Variants in MAP2 observed in about 807,000 individuals in gnomAD.
The protein encoded by MAP2 is microtubule-associated protein 2.
A neutral mutation model predicts 137.6 loss-of-function variants in MAP2; 14 were observed. That is an observed-to-expected ratio of 0.10 (90% CI 0.07 to 0.16). The LOEUF (loss-of-function observed/expected upper bound fraction) is 0.16, where lower values mean the gene tolerates loss of function less well. Ranked by LOEUF, MAP2 falls within the 10% of genes least tolerant of loss-of-function variation. MAP2 has a pLI of 1.00. For synonymous variants in MAP2, 786 were observed against 782.3 expected, an observed-to-expected ratio of 1.00 and a Z score of -0.08; for missense variants, 2,088 against 2,191.5, an observed-to-expected ratio of 0.95 and a Z score of 0.94.
intron 4 of MAP2, among the ~76,000 whole-genome samples, chr2:209,639,874 G>C (rs1434764429): frequency 1.3e-5 from 2 of 152,014 alleles, no homozygotes; most frequent in African/African-American, 4.8e-5. Flanking sequence ...ATTAAACACA[G>C]CCCTTCCTCC....
intron 12 of MAP2, 123 bp from the exon 13 acceptor site, chr2:209,709,791 T>C (rs1380488315): frequency 5.6e-6 from 4 of 710,608 alleles, no homozygotes; most frequent in Non-Finnish European, 9.2e-6. Flanking sequence ...ACTATAGTGA[T>C]AACTGTTTCT....
rs181357388 is a variant in MAP2 at position 209,458,042 on chromosome 2, G to T, written c.-222+33766G>T. Among the ~76,000 whole-genome samples, 274 of 152,104 alleles carry T rather than the reference G, an allele frequency of 1.8e-3. 1 individual carries two copies. The highest frequency in any genetic ancestry group is 6.4e-3 in the African/African-American group (265 of 41,494). On this transcript the variant is annotated intron_variant, in intron 1 of 15. Transcript: ENST00000682079. ...TGTTTCCAGTATTGATTATTAGTGT[G>T]TCCTGAGCATTGGGATAATACAAAT...
At chr2:209,631,005 CA>C (rs776266690) in intron 4 of MAP2, among the ~76,000 whole-genome samples, 3 of 42,116 alleles carry the variant, frequency 7.1e-5, no homozygotes, top group Non-Finnish European at 1.4e-4. Context: ...GAGCTACAAG[CA>C]AAAAAAAAAA....
chr2:209,620,884 A>G (rs2090944216), intron 3 of MAP2, among the ~76,000 whole-genome samples: 1 of 152,104 alleles, frequency 6.6e-6, no homozygotes, highest in Admixed American at 6.6e-5. Flanking sequence ...CATTGAGGTT[A>G]AGCTTAGCCT....
intron 3 of MAP2, among the ~76,000 whole-genome samples, chr2:209,599,277 C>T (rs1433740777): frequency 6.6e-6 from 1 of 151,804 alleles, no homozygotes; most frequent in Non-Finnish European, 1.5e-5. Context: ...TGTCCTTCGC[C>T]CACTTTTTGA....
intron 1 of MAP2, among the ~76,000 whole-genome samples, chr2:209,425,414 G>T (rs1160279581): frequency 6.6e-6 from 1 of 152,158 alleles, no homozygotes; most frequent in East Asian, 1.9e-4. Context: ...AGGTACTTAA[G>T]AGACTGATTT....
chr2:209,443,228 T>C (rs1395451185), intron 1 of MAP2, among the ~76,000 whole-genome samples: 3 of 149,762 alleles, frequency 2.0e-5, no homozygotes, highest in Middle Eastern at 6.9e-3. Flanking sequence ...TTTTTTTTTT[T>C]CTCCTTGGCT....
intron 5 of MAP2, among the ~76,000 whole-genome samples, chr2:209,666,967 C>T (rs2046598352): frequency 6.6e-6 from 1 of 151,836 alleles, no homozygotes; most frequent in Admixed American, 6.6e-5. Flanking sequence ...TTTGATACAA[C>T]TGAATGTGGA....
At chr2:209,497,721 AAG>A (rs995116056) in intron 1 of MAP2, among the ~76,000 whole-genome samples, 1 of 152,078 alleles carries the variant, frequency 6.6e-6, no homozygotes, top group Non-Finnish European at 1.5e-5. Context: ...ACAAGAGAGA[AAG>A]AGAGAGTAGA....
At chr2:209,496,026 C>T (rs12995429) in intron 1 of MAP2, among the ~76,000 whole-genome samples, 8,522 of 152,198 alleles carry the variant, frequency 0.056, 270 homozygotes, top group South Asian at 0.092. Context: ...AGCATTGTTA[C>T]GGCAGCTACA....
intron 1 of MAP2, among the ~76,000 whole-genome samples, chr2:209,495,875 G>A (rs1043480093): frequency 9.9e-5 from 15 of 152,156 alleles, no homozygotes; most frequent in Non-Finnish European, 1.3e-4. Context: ...ACATTTGAAA[G>A]TTCTTCATTT....
chr2:209,659,274 G>A (rs2042326525), intron 5 of MAP2, among the ~76,000 whole-genome samples: 1 of 152,022 alleles, frequency 6.6e-6, no homozygotes, highest in Admixed American at 6.6e-5. Context: ...TTGCTCTCAG[G>A]ATTAATTTTG....
intron 1 of MAP2, among the ~76,000 whole-genome samples, chr2:209,438,663 A>G (rs1344205375): frequency 6.6e-6 from 1 of 151,516 alleles, no homozygotes; most frequent in Non-Finnish European, 1.5e-5. Context: ...GCCAAGGCAC[A>G]TCTGGAAAAT....
intron 4 of MAP2, among the ~76,000 whole-genome samples, chr2:209,628,976 C>T (rs141755470): frequency 2.0e-5 from 3 of 152,158 alleles, no homozygotes; most frequent in African/African-American, 7.2e-5. Flanking sequence ...TGGTTTGTTT[C>T]AACAGAGGCC....
chr2:209,430,770 T>G (rs138043794), intron 1 of MAP2, among the ~76,000 whole-genome samples: 67 of 152,296 alleles, frequency 4.4e-4, no homozygotes, highest in East Asian at 2.9e-3. Flanking sequence ...CCCTTTATCT[T>G]CACTTAAACA....
At chr2:209,440,742 T>C (rs1697558465) in intron 1 of MAP2, among the ~76,000 whole-genome samples, 1 of 151,496 alleles carries the variant, frequency 6.6e-6, no homozygotes, top group Non-Finnish European at 1.5e-5. Context: ...GAAACAAATC[T>C]ATCCACAGTG....
intron 4 of MAP2, among the ~76,000 whole-genome samples, chr2:209,651,379 C>T (rs750420508): frequency 3.9e-5 from 6 of 152,112 alleles, no homozygotes; most frequent in Non-Finnish European, 2.9e-5. Flanking sequence ...ATTGTACTCA[C>T]CAAGTTTTCA....
chr2:209,604,483 A>G (rs1509466), intron 3 of MAP2, among the ~76,000 whole-genome samples: 150,979 of 152,236 alleles, frequency 0.99, 74,877 homozygotes, highest in East Asian at 1. Context: ...TTGTTCTCTA[A>G]TATGACCATC....
At chr2:209,699,835 G>T (rs1223120317) in intron 10 of MAP2, among the ~76,000 whole-genome samples, 1 of 152,142 alleles carries the variant, frequency 6.6e-6, no homozygotes, top group Non-Finnish European at 1.5e-5. Flanking sequence ...TATGCCAGTG[G>T]CTTCCAGAAC....
Sources: allele counts gnomAD v4.1 joint callset (sites outside exome capture counted in the v4.1 genomes callset), GRCh38; gene constraint gnomAD v4.1.1; transcripts MANE v1.5; gene names NCBI Gene and HGNC (gene_info 2026-07-23, HGNC 2026-07-21).